WWOX: variants seen among roughly 807,000 people sequenced by gnomAD.
WWOX encodes WW domain-containing oxidoreductase.
Under a neutral mutation model 46.2 loss-of-function variants are expected in WWOX, and 69 were observed. The ratio of observed to expected loss-of-function variants is 1.49; its 90% CI spans 1.23 to 1.82. WWOX has a LOEUF of 1.82. Among genes scored for constraint, WWOX ranks in the 40% most tolerant of loss-of-function variants. The probability of loss-of-function intolerance (pLI) is 0.00; values close to 1 mark genes in which losing one functional copy is unlikely to be tolerated. For missense variants in WWOX, 919 were observed against 542.6 expected (o/e 1.69, Z -6.89); for synonymous variants, 359 against 202.6 (o/e 1.77, Z -6.56).
At chr16:78,790,178 C>G (rs901273787) in intron 8 of WWOX, among the ~76,000 whole-genome samples, 1 of 151,806 alleles carries the variant, frequency 6.6e-6, no homozygotes, top group Non-Finnish European at 1.5e-5. Context: ...GCTCTGTTGC[C>G]CGGGCTGGAG....
intron 5 of WWOX, among the ~76,000 whole-genome samples, chr16:78,368,780 A>G (rs751367067): frequency 3.1e-4 from 47 of 152,084 alleles, no homozygotes; most frequent in Non-Finnish European, 6.3e-4. Flanking sequence ...ACCCATCGCG[A>G]TTCATTTGTC....
At chr16:78,895,377 A>G (rs977006762) in intron 8 of WWOX, 1 of 152,198 alleles carries the variant, frequency 6.6e-6, no homozygotes, top group Non-Finnish European at 1.5e-5. Flanking sequence ...ACAGCCGTTC[A>G]CTGAAGAGGA....
At chr16:78,144,443 A>ATACGTG (rs1555543019) in intron 4 of WWOX, among the ~76,000 whole-genome samples, 5 of 19,354 alleles carry the variant, frequency 2.6e-4, no homozygotes, top group Non-Finnish European at 3.3e-4. Flanking sequence ...ATATATATAT[A>ATACGTG]TATACACATA....
At chr16:78,468,518 C>A (rs553933034) in intron 8 of WWOX, among the ~76,000 whole-genome samples, 3 of 152,106 alleles carry the variant, frequency 2.0e-5, no homozygotes, top group African/African-American at 7.2e-5. Context: ...ATCTCATGGT[C>A]CATTGTCGGC....
intron 8 of WWOX, among the ~76,000 whole-genome samples, chr16:79,110,142 G>A (rs533929210): frequency 6.6e-6 from 1 of 152,268 alleles, no homozygotes; most frequent in South Asian, 2.1e-4. Context: ...TCCTATGGCT[G>A]TTTGGGGGCT....
intron 8 of WWOX, among the ~76,000 whole-genome samples, chr16:78,612,987 C>G (rs2151632907): frequency 6.6e-6 from 1 of 152,292 alleles, no homozygotes; most frequent in Middle Eastern, 3.4e-3. Context: ...ACCTGTGGAT[C>G]TATGACCCTG....
At chr16:78,695,113 G>A (rs968217603) in intron 8 of WWOX, among the ~76,000 whole-genome samples, 23 of 152,074 alleles carry the variant, frequency 1.5e-4, no homozygotes, top group African/African-American at 5.3e-4. Context: ...TACTACTCGT[G>A]GGATTACAGG....
chr16:79,203,895 G>C lies in WWOX; in HGVS notation c.1057-7713G>C, dbSNP rs891521303. The C allele has an allele frequency of 9.2e-5, 14 of 152,134 alleles. 1 individual carries two copies. The highest frequency in any genetic ancestry group is 2.6e-4 in the Admixed American group (4 of 15,270). 9.4% of individuals were successfully genotyped at this position (152,134 alleles called of 1,614,324 possible). On this transcript the variant is annotated intron_variant, in intron 8 of 8. Coordinates refer to ENST00000566780, the MANE Select transcript of WWOX (RefSeq NM_016373.4). ...AGCTATAACCATAACAGAGGTTAAA[G>C]AAGTAGAGTAAAAATGTAAAATGTT...
At chr16:78,608,482 G>GTT (rs1358711056) in intron 8 of WWOX, among the ~76,000 whole-genome samples, 1 of 152,204 alleles carries the variant, frequency 6.6e-6, no homozygotes, top group African/African-American at 2.4e-5. Flanking sequence ...TGGCCACAGT[G>GTT]TTTTCCCTTT....
At chr16:78,406,465 G>A (rs889239781) in intron 6 of WWOX, among the ~76,000 whole-genome samples, 1 of 149,386 alleles carries the variant, frequency 6.7e-6, no homozygotes, top group African/African-American at 2.5e-5. Flanking sequence ...CGATTCCCCT[G>A]CCTTAGCCTC....
intron 8 of WWOX, among the ~76,000 whole-genome samples, chr16:78,743,362 C>G (rs919678804): frequency 2.0e-5 from 3 of 152,128 alleles, no homozygotes; most frequent in Non-Finnish European, 2.9e-5. Flanking sequence ...CATTGATTCT[C>G]AAACAGAATC....
At position 78,599,412 on chromosome 16, in the gene WWOX, G is replaced by A. The variant is rs370513863; in HGVS notation, c.1056+166660G>A. Among the ~76,000 whole-genome samples the A allele has an allele frequency of 1.2e-4, 18 of 152,256 alleles. No homozygotes were observed. In the South Asian group the frequency reaches 1.5e-3, roughly 12 times the overall value. On this transcript the variant is annotated intron_variant, in intron 8 of 8. Coordinates refer to ENST00000566780, the MANE Select transcript of WWOX (RefSeq NM_016373.4). ...CCAAAGGGCCTGCTGCCCTGCCCCC[G>A]CCATAGCCTAAGGCTGTGGCCATGG... is the stretch of plus-strand genomic sequence containing the variant.
intron 8 of WWOX, among the ~76,000 whole-genome samples, chr16:79,026,117 A>C (rs1346518338): frequency 1.3e-5 from 2 of 151,498 alleles, no homozygotes; most frequent in African/African-American, 4.9e-5. Context: ...GCCCTTTTCA[A>C]AACACTAAGT....
intron 8 of WWOX, among the ~76,000 whole-genome samples, chr16:78,588,679 C>G (rs1241661715): frequency 6.6e-6 from 1 of 152,104 alleles, no homozygotes; most frequent in East Asian, 1.9e-4. Flanking sequence ...CTGAGGTGTC[C>G]TAGGTGCCTC....
chr16:78,368,503 G>A (rs906139348), intron 5 of WWOX, among the ~76,000 whole-genome samples: 1 of 152,158 alleles, frequency 6.6e-6, no homozygotes, highest in African/African-American at 2.4e-5. Context: ...CACCCCATAA[G>A]GCTGCAAGCG....
At chr16:78,770,791 G>T (rs1326864548) in intron 8 of WWOX, among the ~76,000 whole-genome samples, 1 of 51,682 alleles carries the variant, frequency 1.9e-5, no homozygotes, top group Non-Finnish European at 5.5e-5. Context: ...CGCTGGCAAA[G>T]GGGAAACTCT....
intron 8 of WWOX, among the ~76,000 whole-genome samples, chr16:78,980,373 C>G (rs1425535150): frequency 6.6e-6 from 1 of 152,144 alleles, no homozygotes; most frequent in Non-Finnish European, 1.5e-5. Context: ...TTTATTCCAA[C>G]AATGTCCTTG....
intron 8 of WWOX, among the ~76,000 whole-genome samples, chr16:78,658,356 C>T (rs2047128410): frequency 6.6e-6 from 1 of 152,192 alleles, no homozygotes. Context: ...CCATGCCCTG[C>T]TCTAAACACT....
chr16:79,066,260 G>A (rs1334519329), intron 8 of WWOX, among the ~76,000 whole-genome samples: 3 of 152,034 alleles, frequency 2.0e-5, no homozygotes, highest in African/African-American at 7.2e-5. Flanking sequence ...ACCTCCTCTG[G>A]TTATCCTCAG....
Sources: allele counts gnomAD v4.1 joint callset (sites outside exome capture counted in the v4.1 genomes callset), GRCh38; gene constraint gnomAD v4.1.1; transcripts MANE v1.5; gene names NCBI Gene and HGNC (gene_info 2026-07-23, HGNC 2026-07-21).